The following TEX9 variants were observed in gnomAD, a reference collection of about 807,000 sequenced individuals.
The protein encoded by TEX9 is testis-expressed protein 9.
A neutral mutation model predicts 59.6 loss-of-function variants in TEX9; 74 were observed. The ratio of observed to expected loss-of-function variants is 1.24; its 90% CI spans 1.03 to 1.51. The LOEUF (loss-of-function observed/expected upper bound fraction) is 1.51. Among genes scored for constraint, TEX9 ranks in the 40% most tolerant of loss-of-function variants. TEX9 has a pLI of 0.00. For missense variants in TEX9, 522 were observed against 447.8 expected, an observed-to-expected ratio of 1.17 and a Z score of -1.49; for synonymous variants, 186 against 152.2, an observed-to-expected ratio of 1.22 and a Z score of -1.64.
chr15:56,286,579 A>T (rs1332500813), intron 1 of TEX9, among the ~76,000 whole-genome samples: 1 of 152,194 alleles, frequency 6.6e-6, no homozygotes, highest in Non-Finnish European at 1.5e-5. Flanking sequence ...TGGATATAGG[A>T]CAACAGACTT....
At chr15:56,408,430 A>C (rs2049182403) in intron 9 of TEX9, 1 of 152,248 alleles carries the variant, frequency 6.6e-6, no homozygotes. Flanking sequence ...TACGTAGTAG[A>C]GTGCCCAAGT....
chr15:56,248,964 A>G (rs1361871284), intron 1 of TEX9: 2 of 152,230 alleles, frequency 1.3e-5, no homozygotes, highest in Admixed American at 6.5e-5. Context: ...GGCACATTCG[A>G]GAACCTGCTA....
chr15:56,307,018 A>C (rs1260998066), intron 1 of TEX9, among the ~76,000 whole-genome samples: 1 of 152,118 alleles, frequency 6.6e-6, no homozygotes, highest in Admixed American at 6.5e-5. Flanking sequence ...TTAAAATCTC[A>C]ACTCTCCTTT....
chr15:56,319,763 A>T (rs1047743722), intron 1 of TEX9, among the ~76,000 whole-genome samples: 3 of 152,170 alleles, frequency 2.0e-5, no homozygotes, highest in African/African-American at 7.2e-5. Flanking sequence ...CCCAGTTTGT[A>T]TGAGCCAGTG....
chr15:56,343,803 A>G (rs1173445105), intron 1 of TEX9, among the ~76,000 whole-genome samples: 1 of 152,166 alleles, frequency 6.6e-6, no homozygotes, highest in African/African-American at 2.4e-5. Flanking sequence ...AAAATAAATA[A>G]CCTATATTTA....
chr15:56,457,997 A>T, the TEX9 span, among the ~76,000 whole-genome samples: 1 of 152,238 alleles, frequency 6.6e-6, no homozygotes, highest in Non-Finnish European at 1.5e-5. Context: ...GAGTGGTCAA[A>T]TAAACTGTGG....
chr15:56,422,107 G>A (rs1180096450), intron 10 of TEX9, among the ~76,000 whole-genome samples: 2 of 108,206 alleles, frequency 1.8e-5, no homozygotes, highest in Admixed American at 1.1e-4. Context: ...TTGTGGGGAG[G>A]GGGGAGGGGG....
At chr15:56,297,769 C>T (rs759358841) in intron 1 of TEX9, among the ~76,000 whole-genome samples, 6 of 152,152 alleles carry the variant, frequency 3.9e-5, no homozygotes, top group African/African-American at 9.7e-5. Flanking sequence ...CCTCCCAAAG[C>T]GCTGGGGTAA....
chr15:56,286,206 T>G (rs1230985837), intron 1 of TEX9, among the ~76,000 whole-genome samples: 1 of 151,728 alleles, frequency 6.6e-6, no homozygotes, highest in South Asian at 2.1e-4. Flanking sequence ...TCTTGGTTGT[T>G]GCATTCCAAA....
the TEX9 span, among the ~76,000 whole-genome samples, chr15:56,457,672 G>T: frequency 1.3e-5 from 2 of 152,044 alleles, no homozygotes; most frequent in Non-Finnish European, 2.9e-5. Flanking sequence ...AAATTAGCCA[G>T]GTGTGGTGGC....
At chr15:56,370,611 C>T (rs767016213) in intron 2 of TEX9, among the ~76,000 whole-genome samples, 3 of 152,114 alleles carry the variant, frequency 2.0e-5, no homozygotes, top group African/African-American at 4.8e-5. Flanking sequence ...GTTAGAATGT[C>T]AGAAATGTTA....
At chr15:56,351,637 C>T (rs1281350764) in intron 1 of TEX9, among the ~76,000 whole-genome samples, 2 of 151,986 alleles carry the variant, frequency 1.3e-5, no homozygotes, top group African/African-American at 4.8e-5. Flanking sequence ...AAGAAAAAGG[C>T]CTAGCTACAG....
chr15:56,278,665 G>A (rs753341618), intron 1 of TEX9, among the ~76,000 whole-genome samples: 1 of 152,092 alleles, frequency 6.6e-6, no homozygotes, highest in Non-Finnish European at 1.5e-5. Flanking sequence ...CTGCCTTTTA[G>A]AAGCTTATTG....
At chr15:56,433,766 G>A (rs960926779) in intron 12 of TEX9, among the ~76,000 whole-genome samples, 4 of 152,142 alleles carry the variant, frequency 2.6e-5, no homozygotes, top group African/African-American at 9.7e-5. Context: ...ATAGCATGCA[G>A]GGTGTTCATG....
At chr15:56,345,217 G>T (rs1398663807) in intron 1 of TEX9, among the ~76,000 whole-genome samples, 1 of 151,738 alleles carries the variant, frequency 6.6e-6, no homozygotes, top group Non-Finnish European at 1.5e-5. Flanking sequence ...AGAAATTGGG[G>T]GTGGGGAAAG....
rs559681452 is a variant in TEX9 at position 56,285,065 on chromosome 15, T to A, written c.-107+40787T>A. On this transcript the variant is annotated intron_variant, in intron 1 of 5. Transcript: ENST00000560827. The stretch of plus-strand genomic sequence containing the variant: ...TATATCTCTTTTAAATCATCGTTCA[T>A]TTAAACTCACCCATATTCACTTTTT... Among the ~76,000 whole-genome samples, 13 of 152,254 alleles carry A rather than the reference T, an allele frequency of 8.5e-5. No homozygotes were observed. The South Asian group carries it at 2.1e-3, about 24-fold the overall frequency.
intron 3 of TEX9, among the ~76,000 whole-genome samples, chr15:56,382,927 C>T (rs2047797173): frequency 6.6e-6 from 1 of 152,144 alleles, no homozygotes; most frequent in South Asian, 2.1e-4. Context: ...GCCTAGTCCT[C>T]TGGCTCTGAG....
chr15:56,458,416 A>G, the TEX9 span, among the ~76,000 whole-genome samples: 8,807 of 152,204 alleles, frequency 0.058, 662 homozygotes, highest in East Asian at 0.37. Context: ...TTAGACTGGT[A>G]CATTTGTTAC....
intron 1 of TEX9, among the ~76,000 whole-genome samples, chr15:56,328,504 T>A (rs2046073484): frequency 6.6e-6 from 1 of 152,118 alleles, no homozygotes; most frequent in African/African-American, 2.4e-5. Context: ...CAGCCCTGAC[T>A]CTTGGATGGC....
Sources: allele counts gnomAD v4.1 joint callset (sites outside exome capture counted in the v4.1 genomes callset), GRCh38; gene constraint gnomAD v4.1.1; transcripts MANE v1.5; gene names NCBI Gene and HGNC (gene_info 2026-07-23, HGNC 2026-07-21).